The following ERC1 variants were observed in gnomAD, a reference collection of about 807,000 sequenced individuals.
The protein encoded by ERC1 is RAB6 interacting protein 2.
Under a neutral mutation model 132.0 loss-of-function variants are expected in ERC1, and 56 were observed. The observed-to-expected ratio is 0.42, with a 90% CI of 0.34 to 0.53. The LOEUF is 0.53. Among genes scored for constraint, ERC1 ranks in the 20% least tolerant of loss-of-function variants. ERC1 has a pLI of 0.03. For missense variants in ERC1, 1,202 were observed against 1,349.9 expected, an observed-to-expected ratio of 0.89 and a Z score of 1.72; for synonymous variants, 478 against 476.1, an observed-to-expected ratio of 1.00 and a Z score of -0.05.
rs370310514 is a variant in ERC1, at chr12:1,255,701, C to T, written c.2488-7333C>T. Among the ~76,000 whole-genome samples the T allele has an allele frequency of 2.6e-3, 339 of 129,068 alleles. 2 individuals carry two copies. Among genetic ancestry groups the T allele is most frequent in the African/African-American group, 7.3e-3 (249 of 33,930 alleles). 84.7% of individuals were successfully genotyped at this position (129,068 alleles called of 152,430 possible). On this transcript the variant is annotated intron_variant, in intron 13 of 18. Transcript: ENST00000360905. ...AGGCTGGAGTGCAGTGGCGTGATCT[C>T]GGCTCACTGCAAGTTCTGCCTCCCG...
chr12:1,357,242 C>G (rs1248258771), intron 15 of ERC1, among the ~76,000 whole-genome samples: 1 of 152,108 alleles, frequency 6.6e-6, no homozygotes, highest in African/African-American at 2.4e-5. Context: ...AGGTGGAGAC[C>G]TGAGTGCCCT....
Position 1,028,267 on chromosome 12 carries a change from A to C in ERC1, c.364A>C (p.Thr122Pro). The change falls in exon 2 of 19, where the codon ACC (threonine) becomes CCC (proline). Residue 122 changes from threonine (T) to proline (P), a missense_variant. Thr to Pro is a conservative substitution (Grantham distance 38). Coordinates refer to ENST00000360905, the MANE Select transcript of ERC1 (RefSeq NM_178040.4). Reference protein sequence around the residue: ...NIASSGVASDTIAFGEHHLPP... With the variant: ...NIASSGVASDPIAFGEHHLPP... ...AGCTAGCAGTGGGGTTGCTAGTGAC[A>C]CCATAGCATTTGGAGAGCATCACCT... 1 of 1,614,042 alleles carries C rather than the reference A, an allele frequency of 6.2e-7. No individual in the cohort carries two copies. Among genetic ancestry groups the C allele is most frequent in the Non-Finnish European group, 8.5e-7 (1 of 1,179,988 alleles).
chr12:1,112,355 T>C (rs1337559005), intron 6 of ERC1, 57 bp downstream of exon 6: 1 of 1,252,754 alleles, frequency 8.0e-7, no homozygotes, highest in Non-Finnish European at 1.2e-6. Flanking sequence ...GGGACCCTGC[T>C]AGCTCTATGG....
chr12:1,209,645 C>T (rs1053312147), intron 12 of ERC1, among the ~76,000 whole-genome samples: 1 of 152,218 alleles, frequency 6.6e-6, no homozygotes, highest in Non-Finnish European at 1.5e-5. Flanking sequence ...AAGTGTCATA[C>T]AAATTGGATG....
chr12:1,402,449 G>A (rs1382427686), intron 16 of ERC1, among the ~76,000 whole-genome samples: 2 of 151,104 alleles, frequency 1.3e-5, no homozygotes, highest in Non-Finnish European at 3.0e-5. Context: ...AGAATCGCTT[G>A]AACCCGGAGG....
At chr12:1,367,174 T>C (rs2086742379) in intron 15 of ERC1, among the ~76,000 whole-genome samples, 1 of 152,218 alleles carries the variant, frequency 6.6e-6, no homozygotes, top group African/African-American at 2.4e-5. Flanking sequence ...GTTAAATAAC[T>C]AGGAAGGTAG....
In ERC1 at chr12:1,380,856, G is replaced by T. The variant is rs1029226004; in HGVS notation, c.2925+8879G>T. On this transcript the variant is annotated intron_variant, in intron 16 of 18. Transcript: ENST00000360905. Reference sequence around the variant, plus strand: ...AACAATGGTAGGATAAAACAGCAGAGAGCTCCTGAGTTGTTAGTGAATAAA... The same window carrying T: ...AACAATGGTAGGATAAAACAGCAGATAGCTCCTGAGTTGTTAGTGAATAAA... 1.2e-4 allele frequency: 18 copies of T among 152,344 alleles called. 1 individual carries two copies. The highest frequency in any genetic ancestry group is 4.3e-4 in the African/African-American group (18 of 41,576). The allele number at this position is 152,344 out of a possible 1,614,324, so 9.4% of individuals were successfully genotyped here.
chr12:1,316,979 G>A (rs1443298691), intron 15 of ERC1, among the ~76,000 whole-genome samples: 1 of 152,072 alleles, frequency 6.6e-6, no homozygotes, highest in Non-Finnish European at 1.5e-5. Context: ...GGCCAACATG[G>A]TGAAACCCCA....
rs188678314 is a variant in ERC1 at position 1,404,767 on chromosome 12, G to T, written c.2926-3382G>T. ...AGGGATGCTAATCTCATTCATGAGG[G>T]TTCCACCCTCTGACCTAATCATCTC... On this transcript the variant is annotated intron_variant, in intron 16 of 18. Coordinates refer to ENST00000360905, the MANE Select transcript of ERC1 (RefSeq NM_178040.4). Among the ~76,000 whole-genome samples, 120 of 152,284 alleles carry T rather than the reference G, an allele frequency of 7.9e-4. 2 individuals are homozygous for T. Among genetic ancestry groups the T allele is most frequent in the Non-Finnish European group, 1.5e-3 (100 of 68,030 alleles).
chr12:1,209,851 T>C (rs1371391267), intron 12 of ERC1, among the ~76,000 whole-genome samples: 1 of 152,224 alleles, frequency 6.6e-6, no homozygotes, highest in East Asian at 1.9e-4. Flanking sequence ...TTTAACAATA[T>C]CTCTGTTGAT....
intron 2 of ERC1, among the ~76,000 whole-genome samples, chr12:1,067,192 T>A (rs1191337744): frequency 6.6e-6 from 1 of 152,222 alleles, no homozygotes; most frequent in African/African-American, 2.4e-5. Context: ...GAAAAAAGAT[T>A]GGCAACCACT....
In ERC1 at chr12:1,072,091, ACT is replaced by A. The variant is rs946686677; in HGVS notation, c.670-11070_670-11069del. On this transcript the variant is annotated intron_variant, in intron 2 of 18. Transcript: ENST00000360905. Reference sequence around the variant, plus strand: ...ACTCCAGCCTGGGCAGCAGAGCAAGACTCTGTCTCAAAAAAAAAAACAAAAAA... The same window carrying A: ...ACTCCAGCCTGGGCAGCAGAGCAAGACTGTCTCAAAAAAAAAAACAAAAAA... Among the ~76,000 whole-genome samples the A allele has an allele frequency of 3.4e-5, 5 of 145,054 alleles. No individual in the cohort carries two copies. The Admixed American group carries it at 3.5e-4, about 10-fold the overall frequency.
At chr12:1,484,099 A>T (rs1433057811) in intron 18 of ERC1, among the ~76,000 whole-genome samples, 1 of 137,826 alleles carries the variant, frequency 7.3e-6, no homozygotes, top group African/African-American at 2.8e-5. Flanking sequence ...AGGTCAGGAG[A>T]TCAAGACCTT....
chr12:1,134,133 A>G (rs1949028303), intron 7 of ERC1, among the ~76,000 whole-genome samples: 1 of 152,032 alleles, frequency 6.6e-6, no homozygotes, highest in African/African-American at 2.4e-5. Flanking sequence ...TGGGTCTTTC[A>G]TTTAAGCTTT....
At chr12:1,263,274 A>G (rs1321083938) in intron 14 of ERC1, 109 bp downstream of exon 14, 2 of 1,042,414 alleles carry the variant, frequency 1.9e-6, no homozygotes, top group Non-Finnish European at 2.7e-6. Context: ...TAGGGTTTCA[A>G]AAACACTTCA....
chr12:1,416,033 C>T (rs1461568762), intron 17 of ERC1, among the ~76,000 whole-genome samples: 1 of 152,232 alleles, frequency 6.6e-6, no homozygotes, highest in Non-Finnish European at 1.5e-5. Context: ...TCCAGACCCC[C>T]TGCTGTCTCC....
intron 17 of ERC1, among the ~76,000 whole-genome samples, chr12:1,412,655 G>A (rs1443253989): frequency 6.6e-6 from 1 of 152,138 alleles, no homozygotes; most frequent in Non-Finnish European, 1.5e-5. Flanking sequence ...TTTGAATCTA[G>A]ACCTCTCCAC....
intron 17 of ERC1, among the ~76,000 whole-genome samples, chr12:1,434,810 A>G (rs935741015): frequency 3.9e-5 from 6 of 152,234 alleles, no homozygotes; most frequent in Admixed American, 3.9e-4. Context: ...TCTGGTGTTT[A>G]CCATGCTGAG....
chr12:1,122,524 T>TTG (rs1947595330), intron 7 of ERC1, among the ~76,000 whole-genome samples: 1 of 19,504 alleles, frequency 5.1e-5, no homozygotes, highest in South Asian at 2.0e-3. Context: ...TGTGTCTCTA[T>TTG]CTCTATCTCT....
Sources: allele counts gnomAD v4.1 joint callset (sites outside exome capture counted in the v4.1 genomes callset), GRCh38; gene constraint gnomAD v4.1.1; transcripts MANE v1.5; gene names NCBI Gene and HGNC (gene_info 2026-07-23, HGNC 2026-07-21).